GALK2: variants seen among roughly 807,000 people sequenced by gnomAD.
GALK2 encodes the protein galactokinase 2.
A neutral mutation model predicts 52.4 loss-of-function variants in GALK2; 36 were observed. The ratio of observed to expected loss-of-function variants is 0.69; its 90% confidence interval spans 0.53 to 0.91. The LOEUF is 0.91. GALK2 is among the 40% of genes least tolerant of loss of function. The pLI is 0.00. For synonymous variants in GALK2, 176 were observed against 199.1 expected, an observed-to-expected ratio of 0.88 and a Z score of 0.98; for missense variants, 579 against 559.1, an observed-to-expected ratio of 1.04 and a Z score of -0.36.
chr15:49,233,192 A>T (rs577227379), intron 3 of GALK2, among the ~76,000 whole-genome samples: 1 of 152,212 alleles, frequency 6.6e-6, no homozygotes, highest in South Asian at 2.1e-4. Context: ...CAGGAAACTT[A>T]CAAGCATGGT....
intron 3 of GALK2, among the ~76,000 whole-genome samples, chr15:49,348,407 C>A (rs2041825814): frequency 6.6e-6 from 1 of 152,198 alleles, no homozygotes; most frequent in Admixed American, 6.5e-5. Flanking sequence ...GGAACTCCCA[C>A]TTTGAAATTT....
chr15:49,266,162 C>T (rs1275741112), intron 5 of GALK2, among the ~76,000 whole-genome samples: 47 of 152,112 alleles, frequency 3.1e-4, no homozygotes, highest in Non-Finnish European at 4.4e-5. Flanking sequence ...TATCATCCTC[C>T]AGGCTAGTCC....
chr15:49,217,461 ATTGTTCATT>A (rs2089470488), intron 3 of GALK2, 148 bp downstream of exon 3: 1 of 769,468 alleles, frequency 1.3e-6, no homozygotes, highest in Non-Finnish European at 2.1e-6. Context: ...GCCATTATTT[ATTGTTCATT>A]TTGTTCATTT....
chr15:49,291,351 G>A (rs574599720), intron 7 of GALK2, among the ~76,000 whole-genome samples: 1 of 152,286 alleles, frequency 6.6e-6, no homozygotes, highest in Non-Finnish European at 1.5e-5. Flanking sequence ...ACATTCTTCA[G>A]AAGTCAGTGG....
chr15:49,206,245 A>G (rs979423688), intron 2 of GALK2, among the ~76,000 whole-genome samples: 27 of 149,626 alleles, frequency 1.8e-4, no homozygotes, highest in Admixed American at 1.6e-3. Context: ...ATGAATTTTT[A>G]TTTATTTATT....
intron 3 of GALK2, among the ~76,000 whole-genome samples, chr15:49,345,107 T>C (rs2041275144): frequency 2.0e-5 from 3 of 152,230 alleles, no homozygotes. Flanking sequence ...CTCTCTTGAG[T>C]ATCATTTCCA....
At chr15:49,343,273 T>A (rs1431842405) in intron 3 of GALK2, among the ~76,000 whole-genome samples, 2 of 152,146 alleles carry the variant, frequency 1.3e-5, no homozygotes, top group African/African-American at 4.8e-5. Context: ...GAAAGACTGG[T>A]CTTCAAGCTC....
At chr15:49,233,892 G>A (rs2090642896) in intron 3 of GALK2, among the ~76,000 whole-genome samples, 1 of 152,152 alleles carries the variant, frequency 6.6e-6, no homozygotes. Context: ...AGTTATTTAT[G>A]TTCATGTCAT....
At chr15:49,205,178 C>G (rs1400594649) in intron 2 of GALK2, among the ~76,000 whole-genome samples, 4 of 132,040 alleles carry the variant, frequency 3.0e-5, no homozygotes, top group Non-Finnish European at 6.7e-5. Context: ...TGAATTGTGC[C>G]ACTATAAACA....
At position 49,235,987 on chromosome 15, in the gene GALK2, T is replaced by C. The variant is rs371940405; in HGVS notation, c.357+46T>C. 8 of 1,076,578 alleles carry C rather than the reference T, an allele frequency of 7.4e-6. No individual in the cohort carries two copies. In the African/African-American group the frequency reaches 1.2e-4, roughly 17 times the overall value. 66.7% of individuals were successfully genotyped at this position (1,076,578 alleles called of 1,614,324 possible). A position where few individuals can be genotyped will look rare whatever the true frequency, so the allele number is the denominator to read the frequency against. ...CTTACTACCAGTTGAGATTATCATG[T>C]GTATTCTGTCAGATTTATTTTATTT... On this transcript the variant is annotated intron_variant, in intron 4 of 9. Transcript: ENST00000560031.
intron 5 of GALK2, among the ~76,000 whole-genome samples, chr15:49,264,979 C>T (rs556771115): frequency 3.3e-5 from 5 of 152,244 alleles, no homozygotes; most frequent in African/African-American, 1.2e-4. Flanking sequence ...GTCAGTCTGC[C>T]CCTACTGGGG....
intron 8 of GALK2, among the ~76,000 whole-genome samples, chr15:49,312,452 C>T (rs1368625599): frequency 6.6e-6 from 1 of 152,196 alleles, no homozygotes; most frequent in African/African-American, 2.4e-5. Context: ...CAGCAGCCTT[C>T]TGGGGGCCCT....
At chr15:49,258,744 T>C (rs1466310399) in intron 5 of GALK2, among the ~76,000 whole-genome samples, 1 of 151,156 alleles carries the variant, frequency 6.6e-6, no homozygotes, top group African/African-American at 2.4e-5. Context: ...TTTCTCCTGT[T>C]ACTATATCCC....
intron 3 of GALK2, among the ~76,000 whole-genome samples, chr15:49,224,998 G>A (rs2090046620): frequency 6.6e-6 from 1 of 152,192 alleles, no homozygotes; most frequent in Admixed American, 6.5e-5. Context: ...AATTTGGGAT[G>A]TGATCCAGTA....
At chr15:49,286,805 T>C in intron 7 of GALK2, among the ~76,000 whole-genome samples, 1 of 152,194 alleles carries the variant, frequency 6.6e-6, no homozygotes. Flanking sequence ...TTTGAGGGCT[T>C]AGTCTTGTTG....
downstream of GALK2, among the ~76,000 whole-genome samples, chr15:49,335,006 G>A (rs545858001): frequency 2.6e-5 from 4 of 152,290 alleles, no homozygotes; most frequent in East Asian, 5.8e-4. Context: ...ATTTCAGGAA[G>A]GACTTTGCTG....
intron 1 of GALK2, among the ~76,000 whole-genome samples, chr15:49,180,015 A>G (rs2085839301): frequency 6.6e-6 from 1 of 152,192 alleles, no homozygotes; most frequent in Non-Finnish European, 1.5e-5. Context: ...GCCTCCATGC[A>G]TTTGAATTTC....
intron 2 of GALK2, among the ~76,000 whole-genome samples, chr15:49,215,001 C>G (rs570549633): frequency 9.1e-4 from 139 of 152,214 alleles, no homozygotes; most frequent in African/African-American, 3.3e-3. Flanking sequence ...AAATAATATT[C>G]TAGTTCAAAA....
chr15:49,336,685 G>C (rs576304510), downstream of GALK2, among the ~76,000 whole-genome samples: 1 of 151,704 alleles, frequency 6.6e-6, no homozygotes, highest in East Asian at 1.9e-4. Flanking sequence ...TTTTTCCCTT[G>C]GTAAGTACTT....
Sources: gnomAD v4.1 joint callset for allele counts (sites outside exome capture counted in the v4.1 genomes callset) on GRCh38, gnomAD v4.1.1 for gene constraint, MANE v1.5 for transcripts, NCBI Gene and HGNC (gene_info 2026-07-23, HGNC 2026-07-21) for gene names.